The following PCSK5 variants were observed in gnomAD, a reference collection of about 807,000 sequenced individuals.
The protein encoded by PCSK5 is prohormone convertase 5.
A neutral mutation model predicts 233.2 loss-of-function variants in PCSK5; 129 were observed. The observed-to-expected ratio is 0.55, with a 90% CI of 0.48 to 0.64. PCSK5 has a LOEUF of 0.64. PCSK5 is among the 30% of genes least tolerant of loss of function. The pLI, the probability that PCSK5 is intolerant of heterozygous loss-of-function variation, is 0.00. For missense variants in PCSK5, 2,076 were observed against 2,430.1 expected (o/e 0.85, Z 3.06); for synonymous variants, 825 against 879.2 (o/e 0.94, Z 1.09).
intron 24 of PCSK5, among the ~76,000 whole-genome samples, chr9:76,251,124 A>G (rs1826785835): frequency 6.6e-6 from 1 of 152,044 alleles, no homozygotes; most frequent in Non-Finnish European, 1.5e-5. Context: ...AAAAATTGTC[A>G]AGGTGTGGTG....
intron 1 of PCSK5, among the ~76,000 whole-genome samples, chr9:75,924,553 C>T (rs532051001): frequency 6.6e-6 from 1 of 152,174 alleles, no homozygotes; most frequent in African/African-American, 2.4e-5. Flanking sequence ...AATGTAAGTT[C>T]TCTGGGGTTA....
chr9:76,038,014 A>G (rs1276326346), intron 5 of PCSK5, among the ~76,000 whole-genome samples: 1 of 152,204 alleles, frequency 6.6e-6, no homozygotes, highest in South Asian at 2.1e-4. Flanking sequence ...TAGTAAATGC[A>G]TTTGAATTTG....
chr9:76,102,339 A>G (rs1286058654), intron 8 of PCSK5, among the ~76,000 whole-genome samples: 3 of 151,616 alleles, frequency 2.0e-5, no homozygotes, highest in East Asian at 1.9e-4. Context: ...GTGGGTTTAT[A>G]TATCATTTTA....
chr9:76,141,394 TC>T (rs1318432832), intron 10 of PCSK5, among the ~76,000 whole-genome samples: 3 of 152,150 alleles, frequency 2.0e-5, no homozygotes, highest in African/African-American at 7.2e-5. Flanking sequence ...GTGGTTGGGC[TC>T]CAGAGTCCAA....
At chr9:76,120,313 T>A (rs185269365) in intron 9 of PCSK5, among the ~76,000 whole-genome samples, 15 of 152,244 alleles carry the variant, frequency 9.9e-5, no homozygotes, top group Admixed American at 3.3e-4. Flanking sequence ...TTTTAAACAT[T>A]TTCTTAAGCA....
rs758127313 is a variant in PCSK5 at position 76,157,115 on chromosome 9, C to A, written c.1383C>A (p.Thr461=). 1.9e-6 allele frequency: 3 copies of A among 1,613,686 alleles called. No individual in the cohort carries two copies. Among genetic ancestry groups the A allele is most frequent in the Non-Finnish European group, 2.5e-6 (3 of 1,179,862 alleles). The change falls in exon 11 of 38, where the codon ACC becomes ACA. Residue 461 remains threonine (T), a synonymous_variant. Transcript: ENST00000674117. ...TGATGGAGGCAGAGAAGTGGACCAC[C>A]GTTCCCCGGCAGCACGTGTGTGTGG... is the stretch of plus-strand genomic sequence containing the variant. ...AMVMEAEKWT[T]VPRQHVCVES... is the part of the protein sequence containing the mutation.
At chr9:75,947,762 T>TG (rs1198753678) in intron 2 of PCSK5, among the ~76,000 whole-genome samples, 3 of 152,170 alleles carry the variant, frequency 2.0e-5, no homozygotes, top group African/African-American at 7.2e-5. Flanking sequence ...GTACCTTACA[T>TG]GGGGAAAACT....
At chr9:75,909,551 C>T (rs190187401) in intron 1 of PCSK5, among the ~76,000 whole-genome samples, 495 of 151,752 alleles carry the variant, frequency 3.3e-3, no homozygotes, top group African/African-American at 0.011. Flanking sequence ...CAAAATTATC[C>T]AGGTGTGGTG....
intron 3 of PCSK5, among the ~76,000 whole-genome samples, chr9:76,004,815 C>T (rs993435087): frequency 1.3e-5 from 2 of 152,178 alleles, no homozygotes; most frequent in African/African-American, 4.8e-5. Flanking sequence ...TCTTCCTTTA[C>T]AGCACAACAG....
At chr9:76,191,081 C>G (rs988409680) in intron 20 of PCSK5, among the ~76,000 whole-genome samples, 13 of 44,764 alleles carry the variant, frequency 2.9e-4, no homozygotes, top group Admixed American at 1.1e-3. Flanking sequence ...AAATAACTTA[C>G]GCTGAAGCGA....
Position 76,240,672 on chromosome 9 carries a change from G to T in PCSK5, c.3130G>T (p.Gly1044Ter). The T allele has an allele frequency of 1.3e-6, 2 of 1,581,090 alleles. No homozygotes were observed. The highest frequency in any genetic ancestry group is 1.8e-5 in the Admixed American group (1 of 55,462). Reference sequence around the variant, plus strand: ...TGTCCCTTGTGAAGAAGGATGTCTGGGATGCAGCTTGGGTATGTCCTCTTC... The same window carrying T: ...TGTCCCTTGTGAAGAAGGATGTCTGTGATGCAGCTTGGGTATGTCCTCTTC... ...ECVPCEEGCL[G>*]CSLDDPGTCT... Residue 1044 changes from glycine to a stop codon, truncating the protein, a stop_gained, in exon 24 of 38, where the codon GGA becomes TGA. Coordinates refer to ENST00000674117, the MANE Select transcript of PCSK5 (RefSeq NM_001372043.1). LOFTEE classifies it high-confidence loss of function.
intron 20 of PCSK5, among the ~76,000 whole-genome samples, chr9:76,191,187 T>TTTGGA (rs1394149981): frequency 2.0e-5 from 3 of 149,964 alleles, no homozygotes. Flanking sequence ...TCAAAACATC[T>TTTGGA]TTGGATTGTT....
intron 24 of PCSK5, among the ~76,000 whole-genome samples, chr9:76,273,120 T>C (rs1041669916): frequency 6.6e-6 from 1 of 152,178 alleles, no homozygotes; most frequent in Non-Finnish European, 1.5e-5. Context: ...TCTACATGAA[T>C]GCCTTTCTTT....
chr9:76,226,376 G>A (rs1227368477), intron 20 of PCSK5, among the ~76,000 whole-genome samples: 1 of 152,186 alleles, frequency 6.6e-6, no homozygotes. Flanking sequence ...GGGGGAAAGA[G>A]GGATGAATTT....
chr9:76,043,178 C>G (rs951315709), intron 5 of PCSK5, among the ~76,000 whole-genome samples: 2 of 151,744 alleles, frequency 1.3e-5, no homozygotes, highest in African/African-American at 4.8e-5. Context: ...AACCCCGTCT[C>G]TACTAAAAAT....
At chr9:76,159,224 A>G in intron 12 of PCSK5, 53 bp downstream of exon 12, 1 of 1,520,232 alleles carries the variant, frequency 6.6e-7, no homozygotes, top group Admixed American at 1.7e-5. Context: ...ACACTCGGCT[A>G]TTCCTTAGGT....
At chr9:76,336,116 T>C (rs1409495246) in intron 34 of PCSK5, among the ~76,000 whole-genome samples, 1 of 152,218 alleles carries the variant, frequency 6.6e-6, no homozygotes. Flanking sequence ...ACCTCAGTCT[T>C]ACAGATTGAC....
Position 76,184,732 on chromosome 9 carries a change from T to C in PCSK5, c.2257T>C (p.Cys753Arg). ...CAAGACATGTACTGAATTCCATAACTGTACAGAATGTAGGGATGGGTTAAG... is the reference window on the plus strand; with the variant it reads ...CAAGACATGTACTGAATTCCATAACCGTACAGAATGTAGGGATGGGTTAAG... ...NCKTCTEFHN[C>R]TECRDGLSLQ... Residue 753 changes from cysteine to arginine, a missense_variant, in exon 17 of 38, where the codon TGT becomes CGT. Physicochemically the swap from Cys to Arg is radical, Grantham distance 180. Around this residue, in one of 6 missense-constraint regions of PCSK5, gnomAD observed 1,510 missense variants for 1,538.1 expected, o/e 0.98. Coordinates refer to ENST00000674117, the MANE Select transcript of PCSK5 (RefSeq NM_001372043.1). 6.2e-7 allele frequency: 1 copy of C among 1,607,310 alleles called. No homozygotes were observed. Among genetic ancestry groups the C allele is most frequent in the African/African-American group, 1.3e-5 (1 of 74,876 alleles).
chr9:75,947,122 A>G (rs147066161), intron 2 of PCSK5, among the ~76,000 whole-genome samples: 118 of 152,318 alleles, frequency 7.7e-4, no homozygotes, highest in African/African-American at 2.8e-3. Context: ...AATAATAATA[A>G]TTGTTATTGC....
Sources: gnomAD v4.1 joint callset for allele counts (sites outside exome capture counted in the v4.1 genomes callset) on GRCh38, gnomAD v4.1.1 for gene constraint, gnomAD v4.1.1 regional missense constraint, MANE v1.5 for transcripts, NCBI Gene and HGNC (gene_info 2026-07-23, HGNC 2026-07-21) for gene names.